LRRIQ1: variants seen among roughly 807,000 people sequenced by gnomAD.
LRRIQ1 encodes the protein leucine-rich repeat- and IQ domain-containing protein 1.
Under a neutral mutation model 211.9 loss-of-function variants are expected in LRRIQ1, and 210 were observed. The ratio of observed to expected loss-of-function variants is 0.99; its 90% confidence interval spans 0.89 to 1.11. The LOEUF (loss-of-function observed/expected upper bound fraction) is 1.11. LRRIQ1 is among the 50% of genes most tolerant of loss of function. LRRIQ1 has a pLI of 0.00. For synonymous variants in LRRIQ1, 699 were observed against 650.1 expected (o/e 1.08, Z -1.14); for missense variants, 2,136 against 1,939.5 (o/e 1.10, Z -1.90).
chr12:85,056,539 G>C lies in LRRIQ1; in HGVS notation c.1746G>C (p.Lys582Asn), dbSNP rs747219001. 3 of 1,608,828 alleles carry C rather than the reference G, an allele frequency of 1.9e-6. No individual in the cohort carries two copies. Among genetic ancestry groups the C allele is most frequent in the South Asian group, 2.2e-5 (2 of 89,946 alleles). ...TAATCAAAGATAATCAGCAGAAAAA[G>C]ATACAAAAAGTAGAAAAAGAAGAGA... ...QKIIKDNQQK[K>N]IQKVEKEEIQ... Residue 582 changes from lysine to asparagine, a missense_variant, in exon 8 of 27, where the codon AAG (lysine) becomes AAC (asparagine). Coordinates refer to ENST00000393217, the MANE Select transcript of LRRIQ1 (RefSeq NM_001079910.2).
intron 24 of LRRIQ1, among the ~76,000 whole-genome samples, chr12:85,205,673 A>G (rs1345478377): frequency 1.3e-5 from 2 of 152,170 alleles, no homozygotes; most frequent in African/African-American, 4.8e-5. Context: ...ATATTCATGG[A>G]TGATATGCTG....
intron 24 of LRRIQ1, among the ~76,000 whole-genome samples, chr12:85,227,066 ATGGTATTT>A (rs1894695173): frequency 2.0e-5 from 1 of 49,348 alleles, no homozygotes; most frequent in African/African-American, 8.4e-4. Flanking sequence ...TCTGGGTCAA[ATGGTATTT>A]CAAATGGTAT....
chr12:85,075,925 A>G (rs1883598195), intron 11 of LRRIQ1, among the ~76,000 whole-genome samples: 1 of 152,122 alleles, frequency 6.6e-6, no homozygotes, highest in Admixed American at 6.6e-5. Context: ...TAGATTATCT[A>G]AAATTACACA....
In LRRIQ1 at chr12:85,047,419, C is replaced by A; in HGVS notation, c.627C>A (p.Cys209Ter). The A allele has an allele frequency of 6.2e-7, 1 of 1,613,110 alleles. No individual in the cohort carries two copies. The highest frequency in any genetic ancestry group is 8.5e-7 in the Non-Finnish European group (1 of 1,179,434). The change falls in exon 6 of 27, where the codon TGC (cysteine) becomes TGA (stop). Residue 209 changes from cysteine to a stop codon, truncating the protein, a stop_gained. Transcript: ENST00000393217. LOFTEE classifies it high-confidence loss of function. ...AAGAAGAAGAAGAAAAGCGACATTG[C>A]TGGATGAAACAATTTAAAGTTGAAA... The part of the protein sequence containing the change: ...QFQEEEEKRH[C>*]WMKQFKVEKK...
chr12:85,082,342 C>T (rs536557033), intron 11 of LRRIQ1, among the ~76,000 whole-genome samples: 55 of 152,090 alleles, frequency 3.6e-4, no homozygotes, highest in Admixed American at 1.4e-3. Context: ...TTTGTCTTTG[C>T]GGTTATGCAC....
intron 11 of LRRIQ1, among the ~76,000 whole-genome samples, chr12:85,073,343 T>G (rs2136111837): frequency 6.6e-6 from 1 of 152,218 alleles, no homozygotes; most frequent in Admixed American, 6.6e-5. Flanking sequence ...TTTGGATTAC[T>G]ATGACTTCTT....
At chr12:85,081,123 G>A (rs1209573548) in intron 11 of LRRIQ1, among the ~76,000 whole-genome samples, 1 of 152,046 alleles carries the variant, frequency 6.6e-6, no homozygotes, top group East Asian at 1.9e-4. Context: ...CAAAAGTAAG[G>A]TAGGGGTTTC....
At chr12:85,226,818 G>C (rs1018269250) in intron 24 of LRRIQ1, among the ~76,000 whole-genome samples, 11 of 151,542 alleles carry the variant, frequency 7.3e-5, no homozygotes, top group African/African-American at 1.9e-4. Flanking sequence ...TCAGAATGAT[G>C]GTTTCCAGCT....
intron 24 of LRRIQ1, among the ~76,000 whole-genome samples, chr12:85,213,839 A>G (rs1349876416): frequency 2.0e-5 from 3 of 152,026 alleles, no homozygotes; most frequent in Non-Finnish European, 2.9e-5. Context: ...ATGTATCAAT[A>G]AGACCAAAAT....
In LRRIQ1 at chr12:85,064,333, T is replaced by C. The variant is rs544703616; in HGVS notation, c.2392-929T>C. Among the ~76,000 whole-genome samples, 6 of 152,010 alleles carry C rather than the reference T, an allele frequency of 3.9e-5. 1 individual carries two copies. The South Asian group carries it at 6.2e-4, about 16-fold the overall frequency. ...CATTTATATATTTTCTTGAGAAATA[T>C]CTATTCAGATCTTTTGCCCATTTTA... On this transcript the variant is annotated intron_variant, in intron 8 of 26. Transcript: ENST00000393217.
intron 6 of LRRIQ1, among the ~76,000 whole-genome samples, chr12:85,049,905 A>G (rs1460493559): frequency 6.6e-6 from 1 of 152,148 alleles, no homozygotes; most frequent in Non-Finnish European, 1.5e-5. Flanking sequence ...CTTCTGTGAG[A>G]TCACATTGTC....
chr12:85,258,599 T>A (rs538840579), intron 1 of LRRIQ1, among the ~76,000 whole-genome samples: 2 of 152,054 alleles, frequency 1.3e-5, no homozygotes, highest in South Asian at 4.1e-4. Flanking sequence ...CAACTGTTAT[T>A]TGAATATTGT....
intron 10 of LRRIQ1, among the ~76,000 whole-genome samples, chr12:85,067,130 G>C (rs1882524797): frequency 6.6e-6 from 1 of 151,832 alleles, no homozygotes; most frequent in African/African-American, 2.4e-5. Flanking sequence ...TTACTTCTCT[G>C]TTTCTTTTCC....
chr12:85,084,898 C>A (rs1884656763), intron 11 of LRRIQ1, among the ~76,000 whole-genome samples: 1 of 151,414 alleles, frequency 6.6e-6, no homozygotes, highest in South Asian at 2.1e-4. Context: ...TGCACTCCAG[C>A]CTGGGCAACA....
intron 19 of LRRIQ1, among the ~76,000 whole-genome samples, chr12:85,143,518 T>C (rs1889681529): frequency 6.6e-6 from 1 of 151,608 alleles, no homozygotes; most frequent in South Asian, 2.1e-4. Context: ...TGCTTTTAGG[T>C]TCATATTTTT....
chr12:85,247,108 C>A (rs562112229), downstream of LRRIQ1, among the ~76,000 whole-genome samples: 1 of 151,594 alleles, frequency 6.6e-6, no homozygotes, highest in African/African-American at 2.4e-5. Flanking sequence ...GTATGGAAGT[C>A]TCAAGTATCT....
At chr12:85,143,025 G>A (rs1889651290) in intron 19 of LRRIQ1, among the ~76,000 whole-genome samples, 1 of 151,498 alleles carries the variant, frequency 6.6e-6, no homozygotes, top group Non-Finnish European at 1.5e-5. Flanking sequence ...TTTTTGAAGA[G>A]CCTTCATAGT....
chr12:85,098,883 A>G lies in LRRIQ1; in HGVS notation c.3098A>G (p.Asn1033Ser). The change falls in exon 13 of 27, where the codon AAT becomes AGT. Residue 1033 changes from asparagine to serine, a missense_variant. Asn to Ser is a conservative substitution (Grantham distance 46). Transcript: ENST00000393217. ...TAAATATAGCTTCCATCCTTGGAGA[A>G]TCTTGTTTTACTAAGAGAATTGCAC... Reference protein sequence around the residue: ...NYLSELPSLENLVLLRELHLD... With the variant: ...NYLSELPSLESLVLLRELHLD... The G allele has an allele frequency of 9.0e-6, 14 of 1,558,262 alleles. No individual in the cohort carries two copies. The highest frequency in any genetic ancestry group is 1.2e-5 in the Non-Finnish European group (14 of 1,151,496).
intron 1 of LRRIQ1, among the ~76,000 whole-genome samples, chr12:85,254,450 G>A (rs1220770589): frequency 1.3e-5 from 2 of 151,992 alleles, no homozygotes; most frequent in Non-Finnish European, 2.9e-5. Flanking sequence ...TTCTACACTG[G>A]ATGTTAGAAA....
Sources: allele counts gnomAD v4.1 joint callset (sites outside exome capture counted in the v4.1 genomes callset), GRCh38; gene constraint gnomAD v4.1.1; transcripts MANE v1.5; gene names NCBI Gene and HGNC (gene_info 2026-07-23, HGNC 2026-07-21).